Variants in TUSC3 observed in about 807,000 individuals in gnomAD.
TUSC3 encodes the protein dolichyl-diphosphooligosaccharide--protein glycosyltransferase subunit TUSC3.
Under a neutral mutation model 44.8 loss-of-function variants are expected in TUSC3, and 45 were observed. That is an observed-to-expected ratio of 1.00 (90% CI 0.79 to 1.29). The LOEUF is 1.29. Among genes scored for constraint, TUSC3 ranks in the 50% most tolerant of loss-of-function variants. The pLI, the probability that TUSC3 is intolerant of heterozygous loss-of-function variation, is 0.00. For missense variants in TUSC3, 519 were observed against 437.9 expected (o/e 1.19, Z -1.65); for synonymous variants, 212 against 152.9 (o/e 1.39, Z -2.85).
At position 15,623,082 on chromosome 8, in the gene TUSC3, T is replaced by C; in HGVS notation, c.141T>C (p.Asn47=). ...TTAATTTCTGTGTTTAATTGCAGAA[T>C]CTTTTAGCTGAAAAAGTAGAGCAGC... ...QLGGGQKKKE[N]LLAEKVEQLM... Residue 47 remains asparagine, a splice_region_variant and synonymous_variant, in exon 2 of 11, where the codon AAT becomes AAC. Coordinates refer to ENST00000503731, the MANE Select transcript of TUSC3 (RefSeq NM_006765.4). The C allele has an allele frequency of 6.2e-7, 1 of 1,613,726 alleles. No individual in the cohort carries two copies. Among genetic ancestry groups the C allele is most frequent in the Non-Finnish European group, 8.5e-7 (1 of 1,179,792 alleles).
chr8:15,600,121 G>A (rs1804223003), intron 1 of TUSC3, among the ~76,000 whole-genome samples: 1 of 151,608 alleles, frequency 6.6e-6, no homozygotes, highest in South Asian at 2.1e-4. Flanking sequence ...GAGGGGACAT[G>A]GACAATGCTT....
chr8:15,418,190 T>C (rs935822495), intron 1 of TUSC3, among the ~76,000 whole-genome samples: 4 of 152,222 alleles, frequency 2.6e-5, no homozygotes, highest in African/African-American at 9.6e-5. Context: ...TAAATGTGTT[T>C]GGGGCTTTTG....
chr8:15,533,927 G>T (rs958415854), intron 2 of TUSC3, among the ~76,000 whole-genome samples: 20 of 152,146 alleles, frequency 1.3e-4, no homozygotes, highest in Non-Finnish European at 2.6e-4. Context: ...GTTTCTGGTT[G>T]GAGGTGTCAT....
intron 1 of TUSC3, among the ~76,000 whole-genome samples, chr8:15,545,043 C>G (rs1342441528): frequency 2.0e-5 from 3 of 151,710 alleles, no homozygotes; most frequent in South Asian, 4.2e-4. Flanking sequence ...ATGTGTTACA[C>G]ACATGTATAC....
chr8:15,614,015 ATT>A (rs35240351), intron 1 of TUSC3, among the ~76,000 whole-genome samples: 41,672 of 105,336 alleles, frequency 0.4, 6,102 homozygotes, highest in Non-Finnish European at 0.43. Flanking sequence ...GTGTTTTGTT[ATT>A]TTTTTTTTTT....
intron 1 of TUSC3, among the ~76,000 whole-genome samples, chr8:15,437,440 T>C (rs546270090): frequency 6.6e-6 from 1 of 152,212 alleles, no homozygotes; most frequent in African/African-American, 2.4e-5. Context: ...CGTGATTTTA[T>C]TCTGTGGCTG....
intron 5 of TUSC3, among the ~76,000 whole-genome samples, chr8:15,672,575 G>T (rs1404873399): frequency 6.6e-6 from 1 of 151,958 alleles, no homozygotes; most frequent in South Asian, 2.1e-4. Context: ...CAAGTATTAT[G>T]ATAAAATTCT....
chr8:15,823,160 C>T, the TUSC3 span, among the ~76,000 whole-genome samples: 3 of 152,272 alleles, frequency 2.0e-5, no homozygotes, highest in African/African-American at 7.2e-5. Flanking sequence ...TTAGTTTAAC[C>T]TGTACCAGTT....
chr8:15,851,113 C>T, the TUSC3 span, among the ~76,000 whole-genome samples: 1 of 152,194 alleles, frequency 6.6e-6, no homozygotes, highest in Non-Finnish European at 1.5e-5. Flanking sequence ...AATGGGAGCT[C>T]AACATTAATG....
At chr8:15,456,612 C>A (rs1374812301) in intron 1 of TUSC3, among the ~76,000 whole-genome samples, 3 of 151,958 alleles carry the variant, frequency 2.0e-5, no homozygotes, top group Non-Finnish European at 2.9e-5. Context: ...ACTTATGGAA[C>A]TTTGATGTAG....
chr8:15,634,953 A>T (rs1276320739), intron 2 of TUSC3, among the ~76,000 whole-genome samples: 1 of 152,194 alleles, frequency 6.6e-6, no homozygotes, highest in Non-Finnish European at 1.5e-5. Flanking sequence ...GCTTAGTGTG[A>T]AGTACACTCA....
intron 1 of TUSC3, among the ~76,000 whole-genome samples, chr8:15,604,052 G>A (rs1306146970): frequency 1.3e-5 from 2 of 151,616 alleles, no homozygotes; most frequent in Admixed American, 6.6e-5. Flanking sequence ...ATGATGGGGT[G>A]CCCTACAGCA....
the TUSC3 span, among the ~76,000 whole-genome samples, chr8:15,771,992 G>C: frequency 6.6e-6 from 1 of 152,146 alleles, no homozygotes; most frequent in African/African-American, 2.4e-5. Flanking sequence ...GGGAGGCTGA[G>C]GCAGGAGAAT....
chr8:15,641,441 A>G (rs1400526587), intron 2 of TUSC3, among the ~76,000 whole-genome samples: 1 of 152,046 alleles, frequency 6.6e-6, no homozygotes, highest in African/African-American at 2.4e-5. Context: ...GAGTAAGCCT[A>G]GTTTATCAAA....
chr8:15,551,590 C>A (rs1217331645), intron 1 of TUSC3, among the ~76,000 whole-genome samples: 1 of 151,600 alleles, frequency 6.6e-6, no homozygotes, highest in Non-Finnish European at 1.5e-5. Flanking sequence ...ATCTACAAAG[C>A]CATAAATTAA....
intron 7 of TUSC3, among the ~76,000 whole-genome samples, chr8:15,732,665 C>T (rs905216284): frequency 2.6e-5 from 4 of 152,040 alleles, no homozygotes; most frequent in African/African-American, 7.2e-5. Context: ...TTTTTGAACC[C>T]GTTAAATTGT....
intron 2 of TUSC3, among the ~76,000 whole-genome samples, chr8:15,639,148 G>GTGA (rs1267028381): frequency 2.1e-5 from 3 of 143,336 alleles, no homozygotes; most frequent in African/African-American, 5.2e-5. Context: ...CAGGGCTTCA[G>GTGA]TGATGATCAT....
intron 6 of TUSC3, among the ~76,000 whole-genome samples, chr8:15,721,438 T>G (rs1209916922): frequency 1.3e-5 from 2 of 152,014 alleles, no homozygotes; most frequent in African/African-American, 4.8e-5. Context: ...ATCAAGTTGC[T>G]TTTTTTCCCC....
intron 6 of TUSC3, among the ~76,000 whole-genome samples, 178 bp downstream of exon 6, chr8:15,674,014 T>TTAA (rs1189738315): frequency 1.3e-5 from 2 of 151,436 alleles, no homozygotes; most frequent in African/African-American, 4.8e-5. Context: ...ACACACACAA[T>TTAA]ATTACTTTTG....
Sources: allele counts gnomAD v4.1 joint callset (sites outside exome capture counted in the v4.1 genomes callset), GRCh38; gene constraint gnomAD v4.1.1; transcripts MANE v1.5; gene names NCBI Gene and HGNC (gene_info 2026-07-23, HGNC 2026-07-21).